MTRF1: variants seen among roughly 807,000 people sequenced by gnomAD.
The protein encoded by MTRF1 is peptide chain release factor 1, mitochondrial.
MTRF1 carries 51 observed loss-of-function variants against 62.9 expected under a neutral mutation model. That is an observed-to-expected ratio of 0.81 (90% CI 0.65 to 1.02). The LOEUF (loss-of-function observed/expected upper bound fraction) is 1.02, where lower values mean the gene tolerates loss of function less well. Ranked by LOEUF, MTRF1 falls within the 50% of genes least tolerant of loss-of-function variation. The pLI is 0.00. For synonymous variants in MTRF1, 158 were observed against 181.9 expected (o/e 0.87, Z 1.06); for missense variants, 446 against 530.0 (o/e 0.84, Z 1.56).
At chr13:41,282,291 T>C in the MTRF1 span, among the ~76,000 whole-genome samples, 1 of 152,116 alleles carries the variant, frequency 6.6e-6, no homozygotes, top group Non-Finnish European at 1.5e-5. Flanking sequence ...CCTTATCTCT[T>C]CTGAAAATCA....
the MTRF1 span, among the ~76,000 whole-genome samples, chr13:41,276,493 C>T: frequency 6.6e-6 from 1 of 152,200 alleles, no homozygotes; most frequent in Middle Eastern, 3.4e-3. Context: ...TATTAAATAC[C>T]TACCATGTGC....
the MTRF1 span, among the ~76,000 whole-genome samples, chr13:41,275,720 T>A: frequency 6.6e-6 from 1 of 151,728 alleles, no homozygotes; most frequent in African/African-American, 2.4e-5. Context: ...CTTGAACTCC[T>A]GACCTCAGGT....
In MTRF1 at chr13:41,240,298, C is replaced by T. The variant is rs1285476355; in HGVS notation, c.833G>A (p.Gly278Glu). 8.7e-6 allele frequency: 14 copies of T among 1,612,058 alleles called. No homozygotes were observed. Among genetic ancestry groups the T allele is most frequent in the Non-Finnish European group, 1.1e-5 (13 of 1,179,114 alleles). ...AGGAAGGACAATAACCGACATCGTT[C>T]CTGTGTGAATGCGCTGCATCCTTGA... ...LSSRMQRIHT[G>E]TMSVIVLPQP... is the part of the protein sequence containing the mutation. Residue 278 changes from glycine to glutamate, a missense_variant, in exon 6 of 10, where the codon GGA (glycine) becomes GAA (glutamate). Gly to Glu is a moderately conservative substitution (Grantham distance 98, BLOSUM62 -2). Coordinates refer to ENST00000379480, the MANE Select transcript of MTRF1 (RefSeq NM_004294.4).
chr13:41,225,579 A>G (rs2034256005), intron 8 of MTRF1, among the ~76,000 whole-genome samples: 1 of 152,186 alleles, frequency 6.6e-6, no homozygotes, highest in African/African-American at 2.4e-5. Flanking sequence ...CATCTAGATG[A>G]AAAGTATAAC....
At chr13:41,271,177 TG>T in the MTRF1 span, among the ~76,000 whole-genome samples, 1 of 151,952 alleles carries the variant, frequency 6.6e-6, no homozygotes, top group African/African-American at 2.4e-5. Context: ...ATCCAAACAG[TG>T]GTTTTTATTT....
chr13:41,249,252 A>G (rs963986550), intron 5 of MTRF1, among the ~76,000 whole-genome samples: 35 of 152,252 alleles, frequency 2.3e-4, no homozygotes, highest in Middle Eastern at 3.4e-3. Flanking sequence ...AAAGAAATCA[A>G]TTTTTTAGGC....
chr13:41,240,481 A>G (rs948251116), intron 5 of MTRF1, 48 bp from the exon 6 acceptor site: 2 of 1,554,448 alleles, frequency 1.3e-6, no homozygotes, highest in African/African-American at 1.4e-5. Context: ...CCTTTGAAAC[A>G]GATCAGGATC....
chr13:41,262,295 G>A (rs1440469159), intron 1 of MTRF1: 3 of 135,420 alleles, frequency 2.2e-5, no homozygotes, highest in East Asian at 2.2e-4. Context: ...AACTGAGATC[G>A]CACCACTGCA....
the MTRF1 span, among the ~76,000 whole-genome samples, chr13:41,282,271 C>T: frequency 7.2e-5 from 11 of 152,164 alleles, no homozygotes; most frequent in East Asian, 1.9e-4. Flanking sequence ...GCCTGGGCAA[C>T]GGAACAAGAC....
the MTRF1 span, among the ~76,000 whole-genome samples, chr13:41,286,088 C>CAAAAAAA: frequency 1.8e-5 from 2 of 110,044 alleles, no homozygotes; most frequent in South Asian, 3.3e-4. Context: ...ACAACAACAA[C>CAAAAAAA]AAAAAAAAAA....
chr13:41,217,239 A>C lies in MTRF1; in HGVS notation c.1225-11T>G. 1 of 1,503,512 alleles carries C rather than the reference A, an allele frequency of 6.7e-7. No homozygotes were observed. The highest frequency in any genetic ancestry group is 9.2e-7 in the Non-Finnish European group (1 of 1,087,086). The allele number at this position is 1,503,512 out of a possible 1,614,324, so 93.1% of individuals were successfully genotyped here. A position where few individuals can be genotyped will look rare whatever the true frequency, so the allele number is the denominator to read the frequency against. On this transcript the variant is annotated splice_polypyrimidine_tract_variant and intron_variant, in intron 9 of 9. Transcript: ENST00000379480. The stretch of plus-strand genomic sequence containing the variant: ...ACCACATAAAAATTCCTGGTAAAAG[A>C]GAGAGCTATTATGAAACCTAATGAT...
chr13:41,302,320 G>T, the MTRF1 span, among the ~76,000 whole-genome samples: 1 of 152,060 alleles, frequency 6.6e-6, no homozygotes. Flanking sequence ...GCGAGCCACC[G>T]TGCCTGGCCA....
rs564443598 is a variant in MTRF1, at chr13:41,251,943, G to A, written c.697+702C>T. ...TGCCCAGGCTGGAGTGTACTGGTGT[G>A]ATCTTGGCTCACTGCAACCTCCCCA... On this transcript the variant is annotated intron_variant, in intron 5 of 9. Coordinates refer to ENST00000379480, the MANE Select transcript of MTRF1 (RefSeq NM_004294.4). Among the ~76,000 whole-genome samples the A allele has an allele frequency of 3.2e-4, 49 of 151,822 alleles. No individual in the cohort carries two copies. In the South Asian group the frequency reaches 1.0e-2, roughly 31 times the overall value.
At chr13:41,220,323 G>GAAAAAA (rs1555243201) in intron 9 of MTRF1, among the ~76,000 whole-genome samples, 1 of 93,324 alleles carries the variant, frequency 1.1e-5, no homozygotes, top group Non-Finnish European at 2.0e-5. Flanking sequence ...AATCTGTCTC[G>GAAAAAA]GAAAAAAAAA....
chr13:41,300,585 C>CAA, the MTRF1 span, among the ~76,000 whole-genome samples: 9 of 75,430 alleles, frequency 1.2e-4, no homozygotes, highest in African/African-American at 1.4e-4. Flanking sequence ...GACTCCGTCT[C>CAA]AAAAAAAAAA....
chr13:41,282,285 A>G, the MTRF1 span, among the ~76,000 whole-genome samples: 1 of 152,166 alleles, frequency 6.6e-6, no homozygotes, highest in African/African-American at 2.4e-5. Context: ...ACAAGACCTT[A>G]TCTCTTCTGA....
the MTRF1 span, among the ~76,000 whole-genome samples, chr13:41,303,872 A>G: frequency 1.3e-5 from 2 of 152,242 alleles, no homozygotes; most frequent in Non-Finnish European, 2.9e-5. Flanking sequence ...AATTGTTTAA[A>G]TCACAAACCT....
rs773932068 is a variant in MTRF1 at position 41,263,234 on chromosome 13, C to T, written c.-9+251G>A. The T allele has an allele frequency of 3.1e-6, 4 of 1,282,612 alleles. No individual in the cohort carries two copies. The South Asian group carries it at 5.0e-5, about 16-fold the overall frequency. 79.5% of individuals were successfully genotyped at this position (1,282,612 alleles called of 1,614,324 possible). A position where few individuals can be genotyped will look rare whatever the true frequency, so the allele number is the denominator to read the frequency against. On this transcript the variant is annotated intron_variant, in intron 1 of 9. Transcript: ENST00000379480. ...TCATGAATCTCAACATTAAGGAAAA[C>T]AAAACAAAACAAGATGTTTACTCTC...
intron 9 of MTRF1, among the ~76,000 whole-genome samples, chr13:41,218,338 C>G (rs938167326): frequency 6.8e-6 from 1 of 146,144 alleles, no homozygotes; most frequent in Non-Finnish European, 1.5e-5. Context: ...CCATGCTGCC[C>G]AGGATGGTCT....
Sources: gnomAD v4.1 joint callset for allele counts (sites outside exome capture counted in the v4.1 genomes callset) on GRCh38, gnomAD v4.1.1 for gene constraint, MANE v1.5 for transcripts, NCBI Gene and HGNC (gene_info 2026-07-23, HGNC 2026-07-21) for gene names.